DPH7: variants seen among roughly 807,000 people sequenced by gnomAD.
The protein encoded by DPH7 is diphthamide biosynthesis 7.
DPH7 carries 44 observed loss-of-function variants against 41.7 expected under a neutral mutation model. That is an observed-to-expected ratio of 1.05 (90% CI 0.83 to 1.36). DPH7 has a LOEUF of 1.36. Ranked by LOEUF, DPH7 falls within the 40% of genes most tolerant of loss-of-function variation. The pLI, the probability that DPH7 is intolerant of heterozygous loss-of-function variation, is 0.00. For synonymous variants in DPH7, 275 were observed against 238.0 expected (o/e 1.16, Z -1.43); for missense variants, 629 against 577.5 (o/e 1.09, Z -0.91).
intron 3 of DPH7, chr9:137,575,347 C>T (rs1193835687): frequency 2.0e-6 from 2 of 988,062 alleles, no homozygotes; most frequent in South Asian, 4.6e-5. Flanking sequence ...CCTAAACAGC[C>T]TGGCCAGTGC....
At chr9:137,578,169 AATTT>A (rs1841763018) in intron 1 of DPH7, 1 of 167,438 alleles carries the variant, frequency 6.0e-6, no homozygotes, top group Non-Finnish European at 1.2e-5. Context: ...AGAAAAAAGT[AATTT>A]CTTTTTTTTG....
intron 4 of DPH7, 125 bp from the exon 5 acceptor site, chr9:137,574,505 TGGC>T: frequency 1.9e-6 from 2 of 1,056,464 alleles, no homozygotes; most frequent in South Asian, 3.2e-5. Context: ...CTTAAGAGAC[TGGC>T]GGCTAAGATC....
intron 3 of DPH7, chr9:137,575,860 A>G (rs938493167): frequency 1.5e-6 from 2 of 1,370,342 alleles, no homozygotes; most frequent in East Asian, 2.7e-5. Context: ...CTGTCACTTC[A>G]GCCCTTCTGC....
intron 8 of DPH7, among the ~76,000 whole-genome samples, chr9:137,560,278 G>A (rs1838277262): frequency 6.6e-6 from 1 of 152,130 alleles, no homozygotes; most frequent in African/African-American, 2.4e-5. Context: ...ATCCAAACAG[G>A]CGGTGGCTGG....
intron 2 of DPH7, chr9:137,576,502 C>T: frequency 3.9e-6 from 1 of 258,798 alleles, no homozygotes; most frequent in Non-Finnish European, 7.7e-6. Context: ...CTTTGGGAAG[C>T]TGAGGTAGGA....
chr9:137,572,672 T>C (rs1382397534), intron 5 of DPH7, among the ~76,000 whole-genome samples: 3 of 152,202 alleles, frequency 2.0e-5, no homozygotes, highest in African/African-American at 7.2e-5. Flanking sequence ...GAGTTATCTC[T>C]ACCTGGGAAA....
intron 5 of DPH7, among the ~76,000 whole-genome samples, chr9:137,569,175 AC>A (rs1839944149): frequency 6.6e-6 from 1 of 151,928 alleles, no homozygotes; most frequent in East Asian, 1.9e-4. Flanking sequence ...CAGAAGGAAA[AC>A]GTCTAGGCCT....
chr9:137,570,472 G>C (rs1023376533), intron 5 of DPH7, among the ~76,000 whole-genome samples: 1 of 152,192 alleles, frequency 6.6e-6, no homozygotes, highest in African/African-American at 2.4e-5. Flanking sequence ...GCTCTGGGCT[G>C]TCTCATCACC....
At chr9:137,558,775 G>A (rs961613609) in intron 8 of DPH7, among the ~76,000 whole-genome samples, 3 of 151,964 alleles carry the variant, frequency 2.0e-5, no homozygotes, top group Admixed American at 6.6e-5. Context: ...TGTCACTGTC[G>A]CCAGGCTGGA....
chr9:137,577,648 A>C (rs1175231415), intron 1 of DPH7, 45 bp from the exon 2 acceptor site: 2 of 1,596,776 alleles, frequency 1.3e-6, no homozygotes, highest in South Asian at 2.2e-5. Flanking sequence ...CAAGACACGA[A>C]GGAACCCAAA....
At chr9:137,572,452 T>C (rs1270047709) in intron 5 of DPH7, among the ~76,000 whole-genome samples, 1 of 152,184 alleles carries the variant, frequency 6.6e-6, no homozygotes, top group Non-Finnish European at 1.5e-5. Context: ...GTGTGTGTTT[T>C]TAAAACACTT....
chr9:137,577,998 G>A (rs989093585), intron 1 of DPH7: 10 of 985,278 alleles, frequency 1.0e-5, no homozygotes, highest in Non-Finnish European at 1.2e-5. Context: ...GGCCACACCT[G>A]TATATAGAAG....
chr9:137,574,256 C>G lies in DPH7; in HGVS notation c.592G>C (p.Ala198Pro). 1.2e-6 allele frequency: 2 copies of G among 1,614,164 alleles called. No individual in the cohort carries two copies. Among genetic ancestry groups the G allele is most frequent in the Non-Finnish European group, 1.7e-6 (2 of 1,180,032 alleles). The change falls in exon 5 of 9, where the codon GCC becomes CCC. Residue 198 changes from alanine (A) to proline (P), a missense_variant. By Grantham distance (27) the Ala-to-Pro change is conservative. Transcript: ENST00000277540. Reference protein sequence around the residue: ...VASWQAHQFEAWIAAFNYWHP... With the variant: ...VASWQAHQFEPWIAAFNYWHP... Reference sequence around the variant, plus strand: ...CAGTAATTGAAAGCAGCAATCCAGGCCTCGAATTGATGTGCCTGCCATGAG... The same window carrying G: ...CAGTAATTGAAAGCAGCAATCCAGGGCTCGAATTGATGTGCCTGCCATGAG...
intron 5 of DPH7, 35 bp from the exon 6 acceptor site, chr9:137,565,189 T>C: frequency 1.2e-6 from 2 of 1,607,010 alleles, no homozygotes; most frequent in East Asian, 2.2e-5. Context: ...ACACCACTAA[T>C]GACAGGAAAT....
chr9:137,575,120 T>G, intron 3 of DPH7: 1 of 1,177,444 alleles, frequency 8.5e-7, no homozygotes, highest in Non-Finnish European at 1.1e-6. Flanking sequence ...TCACACCCCC[T>G]TGCCATCCTT....
At chr9:137,570,045 C>T (rs1463626832) in intron 5 of DPH7, among the ~76,000 whole-genome samples, 1 of 151,304 alleles carries the variant, frequency 6.6e-6, no homozygotes, top group Non-Finnish European at 1.5e-5. Flanking sequence ...AAAAATCCAC[C>T]ATCCATCCAC....
At chr9:137,571,108 T>C (rs1203946831) in intron 5 of DPH7, among the ~76,000 whole-genome samples, 1 of 151,886 alleles carries the variant, frequency 6.6e-6, no homozygotes, top group Admixed American at 6.6e-5. Context: ...CCGTGACCTG[T>C]GGTCACGCCA....
At chr9:137,571,698 G>C (rs1225465481) in intron 5 of DPH7, among the ~76,000 whole-genome samples, 1 of 152,012 alleles carries the variant, frequency 6.6e-6, no homozygotes, top group African/African-American at 2.4e-5. Flanking sequence ...TGAGGCAGGA[G>C]AATCACTTGA....
intron 5 of DPH7, among the ~76,000 whole-genome samples, chr9:137,569,379 C>T (rs1401488783): frequency 1.5e-5 from 2 of 130,662 alleles, no homozygotes; most frequent in Admixed American, 7.6e-5. Flanking sequence ...ATCCATCCAC[C>T]ACCCACCACC....
Sources: allele counts gnomAD v4.1 joint callset (sites outside exome capture counted in the v4.1 genomes callset), GRCh38; gene constraint gnomAD v4.1.1; transcripts MANE v1.5; gene names NCBI Gene and HGNC (gene_info 2026-07-23, HGNC 2026-07-21).